The following BMP8A variants were observed in gnomAD, a reference collection of about 807,000 sequenced individuals.
The protein encoded by BMP8A is BMP-8A.
BMP8A carries 14 observed loss-of-function variants against 36.8 expected under a neutral mutation model. That is an observed-to-expected ratio of 0.38 (90% CI 0.25 to 0.60). The LOEUF is 0.60. Among genes scored for constraint, BMP8A ranks in the 20% least tolerant of loss-of-function variants. The pLI is 0.63. For missense variants in BMP8A, 267 were observed against 551.1 expected (o/e 0.48, Z 5.16); for synonymous variants, 120 against 237.7 (o/e 0.50, Z 4.55).
chr1:39,517,211 G>A (rs982573630), intron 3 of BMP8A, among the ~76,000 whole-genome samples: 3 of 151,912 alleles, frequency 2.0e-5, no homozygotes, highest in Non-Finnish European at 2.9e-5. Flanking sequence ...TGCCCAGGCT[G>A]GTCTTGAACA....
chr1:39,494,117 T>A (rs1398548630), intron 1 of BMP8A, among the ~76,000 whole-genome samples: 1 of 152,164 alleles, frequency 6.6e-6, no homozygotes, highest in African/African-American at 2.4e-5. Context: ...CCTGTGCTGC[T>A]CCCCTCAGAG....
intron 1 of BMP8A, among the ~76,000 whole-genome samples, chr1:39,498,646 CG>C (rs756235365): frequency 1.2e-4 from 18 of 152,146 alleles, no homozygotes; most frequent in Non-Finnish European, 1.9e-4. Context: ...CCCTTCAGGA[CG>C]CAGAACCAAC....
At chr1:39,518,384 G>T in intron 3 of BMP8A, among the ~76,000 whole-genome samples, 1 of 132,178 alleles carries the variant, frequency 7.6e-6, no homozygotes, top group Middle Eastern at 3.6e-3. Flanking sequence ...ACTATGGCTG[G>T]GGTTGGGGGC....
At chr1:39,515,875 C>T in intron 3 of BMP8A, 1 of 1,574,626 alleles carries the variant, frequency 6.4e-7, no homozygotes, top group Middle Eastern at 1.7e-4. Context: ...TTGAGGACGG[C>T]ATGTACGCCA....
At chr1:39,500,526 C>T (rs778656228) in intron 1 of BMP8A, among the ~76,000 whole-genome samples, 11 of 150,152 alleles carry the variant, frequency 7.3e-5, no homozygotes, top group South Asian at 2.1e-4. Flanking sequence ...CAAGGTGACC[C>T]GTGTTTGATA....
At chr1:39,500,224 C>T (rs754754160) in intron 1 of BMP8A, among the ~76,000 whole-genome samples, 38 of 152,302 alleles carry the variant, frequency 2.5e-4, no homozygotes, top group Non-Finnish European at 1.2e-4. Flanking sequence ...CTCCTACAGT[C>T]GAGGGTATTT....
At chr1:39,512,035 A>AT (rs1645361639) in intron 3 of BMP8A, 131 bp downstream of exon 3, 2 of 416,604 alleles carry the variant, frequency 4.8e-6, no homozygotes, top group African/African-American at 9.8e-5. Context: ...GGTCCAGGGC[A>AT]CGAGGTCTGG....
In BMP8A at chr1:39,529,813, T is replaced by C. The variant is rs1645517725; in HGVS notation, c.*4015T>C. Among the ~76,000 whole-genome samples the C allele has an allele frequency of 6.6e-6, 1 of 152,220 alleles. No homozygotes were observed. The highest frequency in any genetic ancestry group is 2.4e-5 in the African/African-American group (1 of 41,460). ...ATGCACTGCTTGGTGATCGGATCTA[T>C]TCAATGTACAAAATATTTTGAAAGT... is the stretch of plus-strand genomic sequence containing the variant. On this transcript the variant is annotated 3_prime_UTR_variant, in exon 7 of 7. Coordinates refer to ENST00000331593, the MANE Select transcript of BMP8A (RefSeq NM_181809.4).
chr1:39,501,326 C>T (rs1645251664), intron 1 of BMP8A, among the ~76,000 whole-genome samples: 1 of 152,192 alleles, frequency 6.6e-6, no homozygotes. Context: ...CACATCCAAA[C>T]TGTAGCAAGG....
At position 39,525,711 on chromosome 1, in the gene BMP8A, C is replaced by T. The variant is rs1435772746; in HGVS notation, c.1122C>T (p.Ala374=). The change falls in exon 7 of 7, where the codon GCC becomes GCT. Residue 374 remains alanine, a synonymous_variant. Coordinates refer to ENST00000331593, the MANE Select transcript of BMP8A (RefSeq NM_181809.4). ...KACCAPTKLS[A]TSVLYYDSSN... is the part of the protein sequence containing the mutation. ...GCTGTGCACCCACCAAGCTGAGCGCCACCTCTGTGCTCTACTATGACAGCA... is the reference window on the plus strand; with the variant it reads ...GCTGTGCACCCACCAAGCTGAGCGCTACCTCTGTGCTCTACTATGACAGCA... 1 of 1,614,198 alleles carries T rather than the reference C, an allele frequency of 6.2e-7. No individual in the cohort carries two copies. The highest frequency in any genetic ancestry group is 8.5e-7 in the Non-Finnish European group (1 of 1,180,032).
rs553857350 is a variant in BMP8A, at chr1:39,525,952, G to C, written c.*154G>C. 214 of 1,325,496 alleles carry C rather than the reference G, an allele frequency of 1.6e-4. No individual in the cohort carries two copies. In the Middle Eastern group the frequency reaches 3.6e-3, roughly 23 times the overall value. The allele number at this position is 1,325,496 out of a possible 1,614,324, so 82.1% of individuals were successfully genotyped here. A position where few individuals can be genotyped will look rare whatever the true frequency, so the allele number is the denominator to read the frequency against. On this transcript the variant is annotated 3_prime_UTR_variant, in exon 7 of 7. Coordinates refer to ENST00000331593, the MANE Select transcript of BMP8A (RefSeq NM_181809.4). Reference sequence around the variant, plus strand: ...CCTGTCAGGCTTCTGGTCCTTTCTCGGTACCTCTGTGCCCCTCCCCTGGGG... The same window carrying C: ...CCTGTCAGGCTTCTGGTCCTTTCTCCGTACCTCTGTGCCCCTCCCCTGGGG...
intron 1 of BMP8A, among the ~76,000 whole-genome samples, chr1:39,507,142 A>G (rs1353718701): frequency 3.3e-5 from 5 of 152,176 alleles, no homozygotes; most frequent in Admixed American, 1.3e-4. Context: ...TTTCAGGGCC[A>G]CCATAGAGAG....
In BMP8A at chr1:39,523,659, G is replaced by T. The variant is rs182369367; in HGVS notation, c.1059+542G>T. The T allele has an allele frequency of 1.3e-5, 19 of 1,447,380 alleles. No homozygotes were observed. The East Asian group carries it at 5.2e-4, about 39-fold the overall frequency. 89.7% of individuals were successfully genotyped at this position (1,447,380 alleles called of 1,614,324 possible). A position where few individuals can be genotyped will look rare whatever the true frequency, so the allele number is the denominator to read the frequency against. ...TCTCTTGGCTGTCTGTGTTTTCTCT[G>T]GATCCCCTGGCTTTTGATGCCTTGG... On this transcript the variant is annotated intron_variant, in intron 6 of 6. Transcript: ENST00000331593.
At chr1:39,509,846 G>A (rs1451025226) in intron 1 of BMP8A, among the ~76,000 whole-genome samples, 1 of 152,230 alleles carries the variant, frequency 6.6e-6, no homozygotes, top group African/African-American at 2.4e-5. Context: ...TCCCACCCCT[G>A]CTTTCCGGAA....
chr1:39,510,708 G>C (rs2695335), intron 1 of BMP8A, among the ~76,000 whole-genome samples: 251 of 152,254 alleles, frequency 1.6e-3, no homozygotes, highest in African/African-American at 5.7e-3. Context: ...GCTCTGGATG[G>C]CTTATGTCCC....
At position 39,525,664 on chromosome 1, in the gene BMP8A, C is replaced by A; in HGVS notation, c.1075C>A (p.Pro359Thr). The A allele has an allele frequency of 6.2e-7, 1 of 1,614,006 alleles. No individual in the cohort carries two copies. Among genetic ancestry groups the A allele is most frequent in the Non-Finnish European group, 8.5e-7 (1 of 1,179,990 alleles). Residue 359 changes from proline to threonine, a missense_variant, in exon 7 of 7, where the codon CCA becomes ACA. Coordinates refer to ENST00000331593, the MANE Select transcript of BMP8A (RefSeq NM_181809.4). Reference sequence around the variant, plus strand: ...TCCTGGCCAGGTGCACCTGATGAAGCCAAACGCAGTCCCCAAGGCGTGCTG... The same window carrying A: ...TCCTGGCCAGGTGCACCTGATGAAGACAAACGCAGTCCCCAAGGCGTGCTG... ...ILQSLVHLMK[P>T]NAVPKACCAP...
intron 1 of BMP8A, among the ~76,000 whole-genome samples, chr1:39,503,519 T>C (rs1335671985): frequency 2.9e-5 from 4 of 139,186 alleles, no homozygotes; most frequent in Admixed American, 7.1e-5. Flanking sequence ...TTTTTTTTTT[T>C]TTTTTTTTTT....
chr1:39,491,946 G>C lies in BMP8A; in HGVS notation c.-46G>C. On this transcript the variant is annotated 5_prime_UTR_variant, in exon 1 of 7. Coordinates refer to ENST00000331593, the MANE Select transcript of BMP8A (RefSeq NM_181809.4). ...CGTCGGGGCGTCCCCGGGCCCAGGGGCGGCGGCGGAGCTGATGTGCGCCCG... is the reference window on the plus strand; with the variant it reads ...CGTCGGGGCGTCCCCGGGCCCAGGGCCGGCGGCGGAGCTGATGTGCGCCCG... 3 of 1,061,042 alleles carry C rather than the reference G, an allele frequency of 2.8e-6. No homozygotes were observed. Among genetic ancestry groups the C allele is most frequent in the Non-Finnish European group, 3.4e-6 (3 of 879,630 alleles). 65.7% of individuals were successfully genotyped at this position (1,061,042 alleles called of 1,614,324 possible). A position where few individuals can be genotyped will look rare whatever the true frequency, so the allele number is the denominator to read the frequency against.
At chr1:39,507,258 C>T (rs1645310050) in intron 1 of BMP8A, among the ~76,000 whole-genome samples, 1 of 152,206 alleles carries the variant, frequency 6.6e-6, no homozygotes, top group Non-Finnish European at 1.5e-5. Context: ...TGACAGGGAG[C>T]CCTGGAATTA....
Sources: gnomAD v4.1 joint callset for allele counts (sites outside exome capture counted in the v4.1 genomes callset) on GRCh38, gnomAD v4.1.1 for gene constraint, MANE v1.5 for transcripts, NCBI Gene and HGNC (gene_info 2026-07-23, HGNC 2026-07-21) for gene names.